The following PTPRC variants were observed in gnomAD, a reference collection of about 807,000 sequenced individuals.
The protein encoded by PTPRC is receptor-type tyrosine-protein phosphatase C.
PTPRC carries 44 observed loss-of-function variants against 155.9 expected under a neutral mutation model. The observed-to-expected ratio is 0.28, with a 90% confidence interval of 0.22 to 0.36. The LOEUF is 0.36. PTPRC is among the 10% of genes least tolerant of loss of function. The probability of loss-of-function intolerance (pLI) is 1.00; values close to 1 mark genes in which losing one functional copy is unlikely to be tolerated. For missense variants in PTPRC, 1,401 were observed against 1,564.6 expected (o/e 0.90, Z 1.76); for synonymous variants, 525 against 533.1 (o/e 0.98, Z 0.21).
chr1:198,647,726 G>A (rs1663015070), intron 2 of PTPRC, among the ~76,000 whole-genome samples: 1 of 151,780 alleles, frequency 6.6e-6, no homozygotes, highest in South Asian at 2.1e-4. Context: ...AAAACTTTTT[G>A]AGTATTTCAT....
Position 198,722,418 on chromosome 1 carries a change from C to T in PTPRC, c.1662C>T (p.Ala554=), listed in dbSNP as rs1462642100. The change falls in exon 15 of 33, where the codon GCC becomes GCT. Residue 554 remains alanine (A), a splice_region_variant and synonymous_variant. Coordinates refer to ENST00000442510, the MANE Select transcript of PTPRC (RefSeq NM_002838.5). The stretch of plus-strand genomic sequence containing the variant: ...TATTTTTTGTTACTGAAATTCAGGC[C>T]TATTTTCACAATGGAGACTATCCTG... The part of the protein sequence containing the change: ...LQYSTDYTFK[A]YFHNGDYPGE... The T allele has an allele frequency of 1.4e-6, 2 of 1,437,916 alleles. No homozygotes were observed. Among genetic ancestry groups the T allele is most frequent in the East Asian group, 2.6e-5 (1 of 38,294 alleles). 89.1% of individuals were successfully genotyped at this position (1,437,916 alleles called of 1,614,324 possible).
At chr1:198,754,242 A>G (rs1558041881) in intron 31 of PTPRC, 27 bp from the exon 32 acceptor site, 4 of 1,593,592 alleles carry the variant, frequency 2.5e-6, no homozygotes, top group Non-Finnish European at 3.4e-6. Flanking sequence ...AAGTAGGATT[A>G]TTTTCTATCT....
At chr1:198,671,469 A>G (rs1311645478) in intron 2 of PTPRC, among the ~76,000 whole-genome samples, 2 of 152,124 alleles carry the variant, frequency 1.3e-5, no homozygotes, top group Admixed American at 6.6e-5. Context: ...TGGTGTTGGT[A>G]TGTATTCCAT....
At position 198,712,870 on chromosome 1, in the gene PTPRC, C is replaced by A. The variant is rs3765533; in HGVS notation, c.1172-83C>A. ...TCATCATTTGTCAAAATATGGTTAT[C>A]AATAATGCATGCTTATAATATGAAG... On this transcript the variant is annotated intron_variant, in intron 11 of 32. Transcript: ENST00000442510. 2,018 of 1,364,758 alleles carry A rather than the reference C, an allele frequency of 1.5e-3. 51 individuals carry two copies. In the East Asian group the frequency reaches 0.044, roughly 30 times the overall value. 84.5% of individuals were successfully genotyped at this position (1,364,758 alleles called of 1,614,324 possible).
At chr1:198,721,634 T>G (rs1653891996) in intron 14 of PTPRC, among the ~76,000 whole-genome samples, 1 of 152,070 alleles carries the variant, frequency 6.6e-6, no homozygotes, top group Non-Finnish European at 1.5e-5. Context: ...AATTATTAGC[T>G]GATAAAAGTT....
At chr1:198,734,116 T>G in intron 20 of PTPRC, 80 bp from the exon 21 acceptor site, 1 of 1,348,566 alleles carries the variant, frequency 7.4e-7, no homozygotes, top group Non-Finnish European at 1.1e-6. Context: ...CTGAAGCAAT[T>G]CCTCTAACTC....
chr1:198,723,951 C>A (rs565630857), intron 15 of PTPRC, among the ~76,000 whole-genome samples: 2 of 152,188 alleles, frequency 1.3e-5, no homozygotes, highest in African/African-American at 2.4e-5. Context: ...CAGTTATGAG[C>A]GGGCACTGCA....
rs1558038713 is a variant in PTPRC, at chr1:198,749,473, A to C, written c.2996A>C (p.His999Pro). 6.2e-7 allele frequency: 1 copy of C among 1,609,406 alleles called. No individual in the cohort carries two copies. The highest frequency in any genetic ancestry group is 1.7e-5 in the Admixed American group (1 of 59,766). ...CTGGAAATGAGTAAAGAGAGTGAGC[A>C]TGATTCAGATGAATCCTCTGATGAT... is the stretch of plus-strand genomic sequence containing the variant. Reference protein sequence around the residue: ...HELEMSKESEHDSDESSDDDS... With the variant: ...HELEMSKESEPDSDESSDDDS... The change falls in exon 28 of 33, where the codon CAT becomes CCT. Residue 999 changes from histidine to proline, a missense_variant. Coordinates refer to ENST00000442510, the MANE Select transcript of PTPRC (RefSeq NM_002838.5).
intron 23 of PTPRC, among the ~76,000 whole-genome samples, chr1:198,740,515 G>A (rs1242213500): frequency 1.3e-5 from 2 of 151,900 alleles, no homozygotes; most frequent in Non-Finnish European, 2.9e-5. Flanking sequence ...CTGGGAAGCC[G>A]AGGTTGCAGT....
At chr1:198,697,998 A>C (rs1401822669) in intron 4 of PTPRC, among the ~76,000 whole-genome samples, 1 of 152,178 alleles carries the variant, frequency 6.6e-6, no homozygotes, top group Non-Finnish European at 1.5e-5. Flanking sequence ...ATTTGAACAC[A>C]TTGCCCAAAA....
intron 2 of PTPRC, among the ~76,000 whole-genome samples, chr1:198,647,542 C>G (rs535913708): frequency 6.6e-6 from 1 of 151,940 alleles, no homozygotes; most frequent in Non-Finnish European, 1.5e-5. Flanking sequence ...AAAGAAATTG[C>G]TTAGAGCCCA....
rs1212510154 is a variant in PTPRC at position 198,692,800 on chromosome 1, G to A, written c.100+427G>A. On this transcript the variant is annotated intron_variant, in intron 3 of 32. Coordinates refer to ENST00000442510, the MANE Select transcript of PTPRC (RefSeq NM_002838.5). ...GTCTATATTTCTTTAAGAGTATGTT[G>A]CTTTTTTCAATGGTATGCAAAACCT... The A allele has an allele frequency of 8.8e-6, 8 of 913,264 alleles. No homozygotes were observed. In the Admixed American group the frequency reaches 5.0e-4, roughly 57 times the overall value. 56.6% of individuals were successfully genotyped at this position (913,264 alleles called of 1,614,324 possible).
At position 198,744,065 on chromosome 1, in the gene PTPRC, C is replaced by T. The variant is rs1553244701; in HGVS notation, c.2709C>T (p.Ile903=). ...TCTTGAAATTGTAGGCCCAGTACAT[C>T]TTGATCCATCAGGCTTTGGTGGAAT... ...CLMVQVEAQY[I]LIHQALVEYN... The change falls in exon 26 of 33, where the codon ATC becomes ATT. Residue 903 remains isoleucine (I), a synonymous_variant. Coordinates refer to ENST00000442510, the MANE Select transcript of PTPRC (RefSeq NM_002838.5). The T allele has an allele frequency of 6.2e-7, 1 of 1,604,230 alleles. No homozygotes were observed. The highest frequency in any genetic ancestry group is 8.5e-7 in the Non-Finnish European group (1 of 1,171,898).
intron 2 of PTPRC, among the ~76,000 whole-genome samples, chr1:198,644,325 C>T (rs1261213202): frequency 1.3e-5 from 2 of 151,696 alleles, no homozygotes; most frequent in Non-Finnish European, 2.9e-5. Context: ...AAAGACCTCA[C>T]TTTTTAAGAT....
intron 31 of PTPRC, among the ~76,000 whole-genome samples, chr1:198,753,856 T>A (rs1208208917): frequency 2.0e-5 from 3 of 152,026 alleles, no homozygotes; most frequent in African/African-American, 7.2e-5. Context: ...AAGAAGAGCA[T>A]GTGTTCTAGT....
chr1:198,649,468 G>T (rs1053160308), intron 2 of PTPRC, among the ~76,000 whole-genome samples: 4 of 151,880 alleles, frequency 2.6e-5, no homozygotes, highest in African/African-American at 9.7e-5. Context: ...AAAAGGAAAA[G>T]GTCAGGGAGC....
chr1:198,750,882 G>C (rs775710233), intron 29 of PTPRC, among the ~76,000 whole-genome samples: 3 of 151,944 alleles, frequency 2.0e-5, no homozygotes, highest in Non-Finnish European at 4.4e-5. Context: ...CAATGTCAGC[G>C]TCACAGCAAA....
At chr1:198,722,349 A>T (rs1011140334) in intron 14 of PTPRC, 67 bp from the exon 15 acceptor site, 12 of 643,792 alleles carry the variant, frequency 1.9e-5, no homozygotes, top group African/African-American at 1.6e-4. Flanking sequence ...TGTGATATAT[A>T]ATATATATAT....
Position 198,712,854 on chromosome 1 carries a change from G to T in PTPRC, c.1172-99G>T, listed in dbSNP as rs545544922. Reference sequence around the variant, plus strand: ...AAATTTTATTTTGAATTCATCATTTGTCAAAATATGGTTATCAATAATGCA... The same window carrying T: ...AAATTTTATTTTGAATTCATCATTTTTCAAAATATGGTTATCAATAATGCA... On this transcript the variant is annotated intron_variant, in intron 11 of 32. Transcript: ENST00000442510. 33 of 1,276,342 alleles carry T rather than the reference G, an allele frequency of 2.6e-5. No homozygotes were observed. The East Asian group carries it at 3.5e-4, about 14-fold the overall frequency. 79.1% of individuals were successfully genotyped at this position (1,276,342 alleles called of 1,614,324 possible). A position where few individuals can be genotyped will look rare whatever the true frequency, so the allele number is the denominator to read the frequency against.
Sources: gnomAD v4.1 joint callset for allele counts (sites outside exome capture counted in the v4.1 genomes callset) on GRCh38, gnomAD v4.1.1 for gene constraint, MANE v1.5 for transcripts, NCBI Gene and HGNC (gene_info 2026-07-23, HGNC 2026-07-21) for gene names.